The following AGBL1 variants were observed in gnomAD, a reference collection of about 807,000 sequenced individuals.
AGBL1 encodes the protein cytosolic carboxypeptidase 4.
A neutral mutation model predicts 118.9 loss-of-function variants in AGBL1; 130 were observed. The observed-to-expected ratio is 1.09, with a 90% CI of 0.95 to 1.26. The LOEUF (loss-of-function observed/expected upper bound fraction) is 1.26, where lower values mean the gene tolerates loss of function less well. Among genes scored for constraint, AGBL1 ranks in the 50% most tolerant of loss-of-function variants. AGBL1 has a pLI of 0.00. For synonymous variants in AGBL1, 555 were observed against 478.9 expected (o/e 1.16, Z -2.08); for missense variants, 1,584 against 1,298.1 (o/e 1.22, Z -3.38).
At chr15:86,107,536 C>G (rs1230209119) in intron 1 of AGBL1, 1 of 152,184 alleles carries the variant, frequency 6.6e-6, no homozygotes, top group Non-Finnish European at 1.5e-5. Context: ...AATACTCACC[C>G]AAGTCTTTTG....
chr15:86,431,916 C>G (rs979642297), intron 18 of AGBL1, among the ~76,000 whole-genome samples: 2 of 152,088 alleles, frequency 1.3e-5, no homozygotes, highest in African/African-American at 4.8e-5. Flanking sequence ...ACCTGAACAC[C>G]CCAGGGCTAC....
intron 22 of AGBL1, among the ~76,000 whole-genome samples, chr15:86,680,508 C>T (rs2085932559): frequency 6.8e-6 from 1 of 146,896 alleles, no homozygotes; most frequent in African/African-American, 2.5e-5. Flanking sequence ...ATTTTTCTTT[C>T]TTTGTATGCA....
chr15:86,439,999 C>T (rs1353519333), intron 18 of AGBL1, among the ~76,000 whole-genome samples: 2 of 152,058 alleles, frequency 1.3e-5, no homozygotes, highest in Non-Finnish European at 2.9e-5. Flanking sequence ...TAATTTTTTC[C>T]CTGGATAGAA....
At chr15:86,176,078 G>A (rs1296531162) in intron 5 of AGBL1, among the ~76,000 whole-genome samples, 2 of 152,166 alleles carry the variant, frequency 1.3e-5, no homozygotes, top group Non-Finnish European at 2.9e-5. Context: ...CTGAAAGTGA[G>A]GTGTTGAATT....
chr15:86,696,455 CT>C (rs1440924700), intron 22 of AGBL1, among the ~76,000 whole-genome samples: 1 of 151,382 alleles, frequency 6.6e-6, no homozygotes, highest in Non-Finnish European at 1.5e-5. Flanking sequence ...ACCTTTTTAC[CT>C]TAAGTCTATA....
At chr15:86,936,236 A>G (rs903357342) in intron 23 of AGBL1, among the ~76,000 whole-genome samples, 279 of 105,862 alleles carry the variant, frequency 2.6e-3, no homozygotes, top group African/African-American at 8.0e-3. Flanking sequence ...AGCAGTGTGT[A>G]TGTATGTGTG....
At chr15:86,806,491 T>A (rs537172922) in intron 22 of AGBL1, among the ~76,000 whole-genome samples, 4 of 152,276 alleles carry the variant, frequency 2.6e-5, no homozygotes, top group African/African-American at 7.2e-5. Flanking sequence ...CTCATATTAG[T>A]TTCACATTCC....
At chr15:86,649,079 A>G (rs1218537104) in intron 21 of AGBL1, among the ~76,000 whole-genome samples, 1 of 152,156 alleles carries the variant, frequency 6.6e-6, no homozygotes, top group East Asian at 1.9e-4. Context: ...GGTAAAGCTT[A>G]TGGTGTGGAA....
At chr15:86,832,502 C>T (rs1435108595) in intron 22 of AGBL1, among the ~76,000 whole-genome samples, 13 of 152,176 alleles carry the variant, frequency 8.5e-5, no homozygotes, top group Admixed American at 8.5e-4. Flanking sequence ...CCACCAGATG[C>T]CCTAAATCAT....
At chr15:86,658,875 T>C (rs946333243) in intron 21 of AGBL1, among the ~76,000 whole-genome samples, 5 of 152,180 alleles carry the variant, frequency 3.3e-5, no homozygotes, top group Non-Finnish European at 5.9e-5. Context: ...AGATAAATCA[T>C]AGAATGTTAG....
In AGBL1 at chr15:86,266,307, G is replaced by A. The variant is rs2079070228; in HGVS notation, c.1668-67G>A. ...GTGACCCCCAAAGTTCTTCCCAGGTGATCACAGGATGAGTGAGCTAGGGAG... is the reference window on the plus strand; with the variant it reads ...GTGACCCCCAAAGTTCTTCCCAGGTAATCACAGGATGAGTGAGCTAGGGAG... On this transcript the variant is annotated intron_variant, in intron 11 of 22. Transcript: ENST00000614907. 8.2e-6 allele frequency: 10 copies of A among 1,220,218 alleles called. No homozygotes were observed. In the South Asian group the frequency reaches 1.1e-4, roughly 13 times the overall value. The allele number at this position is 1,220,218 out of a possible 1,614,324, so 75.6% of individuals were successfully genotyped here. A position where few individuals can be genotyped will look rare whatever the true frequency, so the allele number is the denominator to read the frequency against.
intron 17 of AGBL1, among the ~76,000 whole-genome samples, chr15:86,325,528 C>T (rs952627528): frequency 3.3e-5 from 5 of 152,154 alleles, no homozygotes; most frequent in African/African-American, 1.2e-4. Flanking sequence ...TTTTCTGTAA[C>T]TTGCTAAAAT....
chr15:87,015,110 G>A (rs779639436), intron 24 of AGBL1, among the ~76,000 whole-genome samples: 7 of 152,064 alleles, frequency 4.6e-5, no homozygotes, highest in Non-Finnish European at 1.0e-4. Context: ...TCCTGCCCTT[G>A]GACATCAGAA....
intron 17 of AGBL1, among the ~76,000 whole-genome samples, chr15:86,349,910 C>A (rs976890233): frequency 6.6e-6 from 1 of 152,174 alleles, no homozygotes; most frequent in African/African-American, 2.4e-5. Flanking sequence ...GTTTTCCTTT[C>A]AATGAAATGC....
chr15:86,348,003 C>T (rs1315480787), intron 17 of AGBL1, among the ~76,000 whole-genome samples: 1 of 152,076 alleles, frequency 6.6e-6, no homozygotes, highest in Non-Finnish European at 1.5e-5. Context: ...TGGGTAAGAG[C>T]CATTCTTCAC....
intron 10 of AGBL1, among the ~76,000 whole-genome samples, chr15:86,263,977 GT>G (rs749866572): frequency 2.0e-4 from 30 of 152,102 alleles, no homozygotes; most frequent in Non-Finnish European, 4.0e-4. Context: ...CATAAATATG[GT>G]TTTCCAACCA....
chr15:86,796,601 T>C (rs897732100), intron 22 of AGBL1, among the ~76,000 whole-genome samples: 8 of 152,232 alleles, frequency 5.3e-5, no homozygotes, highest in African/African-American at 1.9e-4. Flanking sequence ...TAGAAGCTCA[T>C]GCACTCTGAA....
chr15:86,459,932 C>T (rs1415021938), intron 18 of AGBL1, among the ~76,000 whole-genome samples: 1 of 151,998 alleles, frequency 6.6e-6, no homozygotes, highest in East Asian at 1.9e-4. Context: ...GATGGAAACT[C>T]CAGAGAATTT....
intron 13 of AGBL1, among the ~76,000 whole-genome samples, chr15:86,267,633 A>G (rs1174741012): frequency 1.3e-5 from 2 of 152,220 alleles, no homozygotes; most frequent in Admixed American, 6.5e-5. Flanking sequence ...CTCAGTAGAA[A>G]AGGATATCCT....
Sources: allele counts gnomAD v4.1 joint callset (sites outside exome capture counted in the v4.1 genomes callset), GRCh38; gene constraint gnomAD v4.1.1; transcripts MANE v1.5; gene names NCBI Gene and HGNC (gene_info 2026-07-23, HGNC 2026-07-21).